The following ACSS3 variants were observed in gnomAD, a reference collection of about 807,000 sequenced individuals.
The protein encoded by ACSS3 is acyl-CoA synthetase short chain family member 3, also known as acyl-CoA synthetase short-chain family member 3, mitochondrial.
A neutral mutation model predicts 84.2 loss-of-function variants in ACSS3; 64 were observed. That is an observed-to-expected ratio of 0.76 (90% CI 0.62 to 0.94). The LOEUF is 0.94. Ranked by LOEUF, ACSS3 falls within the 40% of genes least tolerant of loss-of-function variation. ACSS3 has a pLI of 0.00. For missense variants in ACSS3, 815 were observed against 867.6 expected, an observed-to-expected ratio of 0.94 and a Z score of 0.76; for synonymous variants, 317 against 310.1, an observed-to-expected ratio of 1.02 and a Z score of -0.23.
intron 8 of ACSS3, among the ~76,000 whole-genome samples, chr12:81,192,050 A>G (rs968438290): frequency 2.0e-5 from 3 of 152,138 alleles, no homozygotes; most frequent in Non-Finnish European, 4.4e-5. Flanking sequence ...GAGTTTAATC[A>G]TATGGTCTTG....
chr12:81,138,469 A>G (rs1885922642), intron 3 of ACSS3, among the ~76,000 whole-genome samples: 1 of 152,220 alleles, frequency 6.6e-6, no homozygotes, highest in Non-Finnish European at 1.5e-5. Context: ...CACCAGGGAT[A>G]CATTTTGCCT....
At chr12:81,231,220 G>T in intron 12 of ACSS3, 82 bp downstream of exon 12, 3 of 1,175,566 alleles carry the variant, frequency 2.6e-6, no homozygotes, top group Non-Finnish European at 3.6e-6. Flanking sequence ...CTTGCTCCTA[G>T]AATCGTAGAT....
Position 81,157,931 on chromosome 12 carries a change from TACACACACACACAC to T in ACSS3, c.1098+5861_1098+5874del, listed in dbSNP as rs35855433. On this transcript the variant is annotated intron_variant, in intron 7 of 15. Coordinates refer to ENST00000548058, the MANE Select transcript of ACSS3 (RefSeq NM_024560.4). ...ATTATTTGCATAAATGATTACAGAA[TACACACACACACAC>T]ACACACACACACACACACACACACA... Among the ~76,000 whole-genome samples the T allele has an allele frequency of 4.0e-4, 57 of 144,214 alleles. 1 individual carries two copies. The South Asian group carries it at 0.01, about 26-fold the overall frequency. The allele number at this position is 144,214 out of a possible 152,430, so 94.6% of individuals were successfully genotyped here.
rs1382010874 is a variant in ACSS3 at position 81,255,075 on chromosome 12, CAT to C, written c.*154_*155del. On this transcript the variant is annotated 3_prime_UTR_variant, in exon 16 of 16. Coordinates refer to ENST00000548058, the MANE Select transcript of ACSS3 (RefSeq NM_024560.4). The stretch of plus-strand genomic sequence containing the variant: ...TTGGCCTAAACAAATCTAATGAAAA[CAT>C]GTGAAAGACCTGTGCCTTTTTTTTG... The C allele has an allele frequency of 1.3e-5, 9 of 679,044 alleles. No individual in the cohort carries two copies. The highest frequency in any genetic ancestry group is 9.3e-5 in the African/African-American group (5 of 53,834). 42.1% of individuals were successfully genotyped at this position (679,044 alleles called of 1,614,324 possible).
intron 1 of ACSS3, among the ~76,000 whole-genome samples, chr12:81,093,946 T>G (rs1388524502): frequency 6.6e-6 from 1 of 152,186 alleles, no homozygotes; most frequent in Non-Finnish European, 1.5e-5. Context: ...ATTTGGTAGC[T>G]CATTTTTTTT....
intron 1 of ACSS3, among the ~76,000 whole-genome samples, chr12:81,090,628 G>A (rs1326644521): frequency 2.6e-5 from 4 of 151,872 alleles, no homozygotes; most frequent in African/African-American, 9.7e-5. Flanking sequence ...CCTCTATCAA[G>A]GAACCAAAGA....
chr12:81,259,063 G>T lies in ACSS3; in HGVS notation c.*4141G>T, dbSNP rs2034554790. 1 of 166,308 alleles carries T rather than the reference G, an allele frequency of 6.0e-6. No individual in the cohort carries two copies. Among genetic ancestry groups the T allele is most frequent in the Admixed American group, 6.3e-5 (1 of 15,774 alleles). The allele number at this position is 166,308 out of a possible 1,614,324, so 10.3% of individuals were successfully genotyped here. A position where few individuals can be genotyped will look rare whatever the true frequency, so the allele number is the denominator to read the frequency against. ...AGCTCTATTTTTGGCTCCGGTTCCA[G>T]GTTAAATCATTCTTTTTTACATGAT... On this transcript the variant is annotated 3_prime_UTR_variant, in exon 16 of 16. Coordinates refer to ENST00000548058, the MANE Select transcript of ACSS3 (RefSeq NM_024560.4).
At chr12:81,128,608 T>G (rs1440363614) in intron 2 of ACSS3, among the ~76,000 whole-genome samples, 1 of 152,176 alleles carries the variant, frequency 6.6e-6, no homozygotes, top group East Asian at 1.9e-4. Context: ...GGTGCAAAGA[T>G]GAATGTGAAT....
chr12:81,250,717 CAG>C (rs2034125721), intron 13 of ACSS3, among the ~76,000 whole-genome samples: 1 of 152,008 alleles, frequency 6.6e-6, no homozygotes, highest in Non-Finnish European at 1.5e-5. Flanking sequence ...AACTCAGGTA[CAG>C]AGAGTCATGG....
chr12:81,252,232 TA>T (rs971215771), intron 13 of ACSS3, among the ~76,000 whole-genome samples: 4 of 152,124 alleles, frequency 2.6e-5, no homozygotes, highest in East Asian at 1.9e-4. Context: ...ATCTTTCATA[TA>T]AAAAAAATTC....
At chr12:81,199,821 T>A (rs2032019291) in intron 9 of ACSS3, 2 of 520,838 alleles carry the variant, frequency 3.8e-6, no homozygotes, top group African/African-American at 4.0e-5. Context: ...TCTGTCCTGA[T>A]TTAAAGTTTC....
chr12:81,198,152 CTG>C (rs2031924792), intron 8 of ACSS3, among the ~76,000 whole-genome samples: 1 of 152,106 alleles, frequency 6.6e-6, no homozygotes, highest in Non-Finnish European at 1.5e-5. Flanking sequence ...ATAAGTCAAA[CTG>C]GTGTTAATTT....
chr12:81,127,996 TTA>T (rs1350409550), intron 2 of ACSS3, among the ~76,000 whole-genome samples: 1 of 152,148 alleles, frequency 6.6e-6, no homozygotes, highest in Non-Finnish European at 1.5e-5. Flanking sequence ...TTTTATTAAT[TTA>T]GTTTTCATTA....
intron 1 of ACSS3, among the ~76,000 whole-genome samples, chr12:81,107,866 A>T (rs192564502): frequency 1.3e-3 from 197 of 151,840 alleles, no homozygotes; most frequent in Non-Finnish European, 2.5e-3. Flanking sequence ...TCTTGGTGCC[A>T]TGTTGAGGAG....
chr12:81,156,206 A>ACACACC (rs1555176593), intron 7 of ACSS3, among the ~76,000 whole-genome samples: 5 of 120,228 alleles, frequency 4.2e-5, no homozygotes, highest in Admixed American at 1.8e-4. Flanking sequence ...ACACACACAC[A>ACACACC]CCCCACACAC....
chr12:81,102,045 G>A (rs566021503), intron 1 of ACSS3, among the ~76,000 whole-genome samples: 25 of 149,056 alleles, frequency 1.7e-4, no homozygotes, highest in South Asian at 4.2e-4. Context: ...TTATGCACAC[G>A]CACACACACA....
chr12:81,195,935 T>A (rs1436121138), intron 8 of ACSS3, among the ~76,000 whole-genome samples: 1 of 152,166 alleles, frequency 6.6e-6, no homozygotes, highest in East Asian at 1.9e-4. Context: ...AATATTATTT[T>A]TGACAGTGGA....
chr12:81,153,419 A>T (rs1016054305), intron 7 of ACSS3, among the ~76,000 whole-genome samples: 12 of 152,106 alleles, frequency 7.9e-5, no homozygotes, highest in Non-Finnish European at 1.6e-4. Flanking sequence ...AAAAAAAAAA[A>T]AAAAGGTGAA....
At chr12:81,172,159 G>A (rs114623969) in intron 7 of ACSS3, among the ~76,000 whole-genome samples, 1,611 of 150,674 alleles carry the variant, frequency 0.011, 27 homozygotes, top group African/African-American at 0.037. Context: ...TCAGGTACTC[G>A]GGAAGCTGAG....
Sources: allele counts gnomAD v4.1 joint callset (sites outside exome capture counted in the v4.1 genomes callset), GRCh38; gene constraint gnomAD v4.1.1; transcripts MANE v1.5; gene names NCBI Gene and HGNC (gene_info 2026-07-23, HGNC 2026-07-21).